The following MCTP1 variants were observed in gnomAD, a reference collection of about 807,000 sequenced individuals.
The protein encoded by MCTP1 is multiple C2 and transmembrane domain containing 1, also known as multiple C2 and transmembrane domain-containing protein 1.
A neutral mutation model predicts 120.6 loss-of-function variants in MCTP1; 69 were observed. The observed-to-expected ratio is 0.57, with a 90% CI of 0.47 to 0.70. The LOEUF (loss-of-function observed/expected upper bound fraction) is 0.70, where lower values mean the gene tolerates loss of function less well. MCTP1 is among the 30% of genes least tolerant of loss of function. The probability of loss-of-function intolerance (pLI) is 0.00; values close to 1 mark genes in which losing one functional copy is unlikely to be tolerated. For synonymous variants in MCTP1, 529 were observed against 493.1 expected, an observed-to-expected ratio of 1.07 and a Z score of -0.96; for missense variants, 1,203 against 1,248.8, an observed-to-expected ratio of 0.96 and a Z score of 0.55.
chr5:94,920,482 C>G (rs543174278), intron 7 of MCTP1, among the ~76,000 whole-genome samples: 36 of 152,192 alleles, frequency 2.4e-4, no homozygotes, highest in Admixed American at 7.9e-4. Flanking sequence ...GTGGCTCACG[C>G]CTGTAATCCC....
intron 17 of MCTP1, among the ~76,000 whole-genome samples, chr5:94,866,415 C>T (rs777449482): frequency 8.6e-5 from 13 of 151,752 alleles, no homozygotes; most frequent in Admixed American, 1.3e-4. Context: ...TTTTTTCCAG[C>T]GAAACACAGG....
At chr5:94,713,181 A>G (rs953054157) in intron 20 of MCTP1, among the ~76,000 whole-genome samples, 1 of 152,084 alleles carries the variant, frequency 6.6e-6, no homozygotes, top group Non-Finnish European at 1.5e-5. Flanking sequence ...TTCTGGGTAG[A>G]TGCTTTTAAT....
intron 10 of MCTP1, among the ~76,000 whole-genome samples, chr5:94,897,630 G>T (rs1804397665): frequency 6.6e-6 from 1 of 152,138 alleles, no homozygotes; most frequent in African/African-American, 2.4e-5. Context: ...CTCCCAAAGT[G>T]CTGGGATTAC....
At chr5:94,848,302 T>C (rs1561742576) in intron 17 of MCTP1, among the ~76,000 whole-genome samples, 1 of 152,156 alleles carries the variant, frequency 6.6e-6, no homozygotes, top group Non-Finnish European at 1.5e-5. Flanking sequence ...GTTAGCTTTC[T>C]TGTCACAGTG....
chr5:95,178,638 T>G (rs553811396), intron 1 of MCTP1, among the ~76,000 whole-genome samples: 1 of 152,124 alleles, frequency 6.6e-6, no homozygotes, highest in South Asian at 2.1e-4. Flanking sequence ...GAACACCACA[T>G]CAAAGGAGCA....
At chr5:94,995,316 C>T (rs1309945635) in intron 2 of MCTP1, among the ~76,000 whole-genome samples, 1 of 152,100 alleles carries the variant, frequency 6.6e-6, no homozygotes, top group African/African-American at 2.4e-5. Flanking sequence ...GGATGGGGCC[C>T]AAGAATTCAC....
intron 1 of MCTP1, among the ~76,000 whole-genome samples, chr5:95,018,998 T>G (rs1468699808): frequency 6.6e-6 from 1 of 152,064 alleles, no homozygotes; most frequent in Non-Finnish European, 1.5e-5. Flanking sequence ...TTTGGTTTTT[T>G]GTGGTTGGGC....
intron 1 of MCTP1, among the ~76,000 whole-genome samples, chr5:95,024,334 T>C (rs1838790083): frequency 6.6e-6 from 1 of 152,174 alleles, no homozygotes; most frequent in Non-Finnish European, 1.5e-5. Context: ...TGGCTCACCA[T>C]ATTCAAAGAA....
chr5:94,892,719 T>C (rs945432767), intron 11 of MCTP1, among the ~76,000 whole-genome samples: 1 of 152,200 alleles, frequency 6.6e-6, no homozygotes, highest in African/African-American at 2.4e-5. Context: ...CAATGTCAAA[T>C]TCCTAAATTT....
intron 1 of MCTP1, among the ~76,000 whole-genome samples, chr5:95,160,379 G>A (rs75046724): frequency 1.4e-4 from 22 of 152,166 alleles, no homozygotes; most frequent in African/African-American, 5.3e-4. Flanking sequence ...TCTAATTTGA[G>A]GACTCACTAT....
At position 94,763,955 on chromosome 5, in the gene MCTP1, G is replaced by A. The variant is rs189605873; in HGVS notation, c.2610+15155C>T. ...TATTTATCAGCCTAGATTAAGTTAT[G>A]TTGCAGTCACAAAGACCCCCAAAAT... On this transcript the variant is annotated intron_variant, in intron 19 of 22. Coordinates refer to ENST00000515393, the MANE Select transcript of MCTP1 (RefSeq NM_024717.7). Among the ~76,000 whole-genome samples, 228 of 152,282 alleles carry A rather than the reference G, an allele frequency of 1.5e-3. 2 individuals are homozygous for A. Among genetic ancestry groups the A allele is most frequent in the Admixed American group, 0.011 (166 of 15,304 alleles).
chr5:95,195,383 T>C (rs1329309657), intron 1 of MCTP1, among the ~76,000 whole-genome samples: 3 of 152,170 alleles, frequency 2.0e-5, no homozygotes, highest in African/African-American at 7.2e-5. Context: ...AGACGGTGTT[T>C]CATGTCTGTT....
In MCTP1 at chr5:95,182,705, T is replaced by C. The variant is rs550110397; in HGVS notation, c.720+101151A>G. ...TATAAAGAAACAAAAATAACTACCA[T>C]AGTCAGAATCATTTTTAAAATTATA... On this transcript the variant is annotated intron_variant, in intron 1 of 22. Coordinates refer to ENST00000515393, the MANE Select transcript of MCTP1 (RefSeq NM_024717.7). Among the ~76,000 whole-genome samples the C allele has an allele frequency of 2.2e-4, 33 of 152,226 alleles. No individual in the cohort carries two copies. The East Asian group carries it at 3.7e-3, about 17-fold the overall frequency.
intron 2 of MCTP1, among the ~76,000 whole-genome samples, chr5:94,997,768 T>C (rs972929060): frequency 6.6e-6 from 1 of 152,158 alleles, no homozygotes; most frequent in African/African-American, 2.4e-5. Flanking sequence ...TTTATGTATT[T>C]TTTCAATACA....
chr5:94,769,873 C>T (rs562171036), intron 19 of MCTP1, among the ~76,000 whole-genome samples: 56 of 152,226 alleles, frequency 3.7e-4, no homozygotes, highest in African/African-American at 1.3e-3. Flanking sequence ...TGAAGTTGTG[C>T]CCTCACTGAC....
intron 1 of MCTP1, among the ~76,000 whole-genome samples, chr5:95,145,634 T>C (rs1359368437): frequency 6.6e-6 from 1 of 152,206 alleles, no homozygotes; most frequent in African/African-American, 2.4e-5. Context: ...TTTTTCCACA[T>C]CTATTAAGAT....
At chr5:94,918,907 A>G (rs2153454763) in intron 7 of MCTP1, among the ~76,000 whole-genome samples, 1 of 152,354 alleles carries the variant, frequency 6.6e-6, no homozygotes, top group Non-Finnish European at 1.5e-5. Context: ...TACCCCACTC[A>G]AAGCCAAATG....
At chr5:95,135,685 G>C (rs918909571) in intron 1 of MCTP1, among the ~76,000 whole-genome samples, 10 of 152,200 alleles carry the variant, frequency 6.6e-5, no homozygotes, top group Non-Finnish European at 1.5e-4. Context: ...TCAGTTTTGA[G>C]ACTCGGACTG....
At chr5:94,923,937 T>G in intron 7 of MCTP1, 25 bp downstream of exon 7, 1 of 1,445,802 alleles carries the variant, frequency 6.9e-7, no homozygotes, top group Non-Finnish European at 9.3e-7. Context: ...ATCAAGAATA[T>G]TAACAAAAAG....
Sources: gnomAD v4.1 joint callset for allele counts (sites outside exome capture counted in the v4.1 genomes callset) on GRCh38, gnomAD v4.1.1 for gene constraint, MANE v1.5 for transcripts, NCBI Gene and HGNC (gene_info 2026-07-23, HGNC 2026-07-21) for gene names.